PARD3B: variants seen among roughly 807,000 people sequenced by gnomAD.
PARD3B encodes the protein par-3 family cell polarity regulator beta, also known as partitioning defective 3 homolog B.
In PARD3B, 103 loss-of-function variants were observed where a neutral mutation model predicts 130.2. That is an observed-to-expected ratio of 0.79 (90% CI 0.67 to 0.93). The LOEUF is 0.93. PARD3B is among the 40% of genes least tolerant of loss of function. PARD3B has a pLI of 0.00. For synonymous variants in PARD3B, 583 were observed against 553.2 expected, an observed-to-expected ratio of 1.05 and a Z score of -0.76; for missense variants, 1,609 against 1,499.2, an observed-to-expected ratio of 1.07 and a Z score of -1.21.
chr2:204,672,755 A>G (rs1222679496), intron 1 of PARD3B, among the ~76,000 whole-genome samples: 2 of 152,038 alleles, frequency 1.3e-5, no homozygotes, highest in Non-Finnish European at 2.9e-5. Context: ...CTTCCTGCTG[A>G]TTTTATTCTT....
At chr2:204,861,561 G>A (rs1407342003) in intron 2 of PARD3B, among the ~76,000 whole-genome samples, 1 of 152,060 alleles carries the variant, frequency 6.6e-6, no homozygotes, top group Non-Finnish European at 1.5e-5. Context: ...GATCAAAAGG[G>A]ATAAGTAAGT....
intron 22 of PARD3B, among the ~76,000 whole-genome samples, chr2:205,595,926 CAAA>C (rs138712225): frequency 6.9e-6 from 1 of 145,430 alleles, no homozygotes; most frequent in Non-Finnish European, 1.5e-5. Flanking sequence ...ACATTTGAGA[CAAA>C]AAAAAAAGAA....
At chr2:205,394,497 T>G (rs1251259685) in intron 18 of PARD3B, among the ~76,000 whole-genome samples, 2 of 152,132 alleles carry the variant, frequency 1.3e-5, no homozygotes, top group Non-Finnish European at 2.9e-5. Flanking sequence ...AGACACTATC[T>G]CTATCCTCCT....
intron 18 of PARD3B, among the ~76,000 whole-genome samples, chr2:205,390,294 G>T (rs1303139064): frequency 6.8e-6 from 1 of 146,246 alleles, no homozygotes; most frequent in Non-Finnish European, 1.5e-5. Flanking sequence ...GAAAGAAGAA[G>T]AATATGAAAA....
intron 2 of PARD3B, among the ~76,000 whole-genome samples, chr2:204,839,911 T>A (rs2044199827): frequency 6.6e-6 from 1 of 152,160 alleles, no homozygotes; most frequent in African/African-American, 2.4e-5. Flanking sequence ...GTAAGAGACT[T>A]GTCCCATTTA....
At chr2:204,630,433 G>T (rs901388513) in intron 1 of PARD3B, among the ~76,000 whole-genome samples, 51 of 151,726 alleles carry the variant, frequency 3.4e-4, no homozygotes, top group African/African-American at 1.2e-3. Flanking sequence ...GTAAATATTT[G>T]TGGATATTTA....
At chr2:204,848,943 T>C (rs1457833163) in intron 2 of PARD3B, among the ~76,000 whole-genome samples, 1 of 152,146 alleles carries the variant, frequency 6.6e-6, no homozygotes, top group Non-Finnish European at 1.5e-5. Context: ...ATAACAATTT[T>C]AAAAATCAAT....
chr2:205,259,085 A>G (rs1240880737), intron 16 of PARD3B, among the ~76,000 whole-genome samples: 1 of 152,122 alleles, frequency 6.6e-6, no homozygotes, highest in Admixed American at 6.5e-5. Flanking sequence ...CAATTTTTAT[A>G]TGATTTCCAT....
chr2:204,842,996 A>T (rs796737749), intron 2 of PARD3B, among the ~76,000 whole-genome samples: 1 of 152,144 alleles, frequency 6.6e-6, no homozygotes, highest in Admixed American at 6.5e-5. Context: ...AGGGTTAATC[A>T]GAATCTCCTG....
chr2:204,990,019 T>G (rs1693513902), intron 3 of PARD3B, among the ~76,000 whole-genome samples: 1 of 152,144 alleles, frequency 6.6e-6, no homozygotes, highest in Non-Finnish European at 1.5e-5. Context: ...CCACAGTAAT[T>G]TTACTAATTC....
chr2:205,064,131 T>A (rs1700220472), intron 4 of PARD3B, among the ~76,000 whole-genome samples: 1 of 152,188 alleles, frequency 6.6e-6, no homozygotes, highest in African/African-American at 2.4e-5. Context: ...TAATAACAAT[T>A]TAAGAACTAA....
chr2:204,732,032 C>A (rs372998358), intron 2 of PARD3B, among the ~76,000 whole-genome samples: 2 of 150,860 alleles, frequency 1.3e-5, no homozygotes, highest in Admixed American at 6.6e-5. Flanking sequence ...TGTTTGTCTA[C>A]GAATTTAGCC....
intron 1 of PARD3B, among the ~76,000 whole-genome samples, chr2:204,596,706 A>G (rs1574519843): frequency 6.6e-6 from 1 of 152,164 alleles, no homozygotes; most frequent in Non-Finnish European, 1.5e-5. Context: ...AGGCAGGTGG[A>G]TCGCCTGAGG....
At chr2:205,073,761 C>A (rs1244457093) in intron 4 of PARD3B, among the ~76,000 whole-genome samples, 1 of 152,090 alleles carries the variant, frequency 6.6e-6, no homozygotes, top group African/African-American at 2.4e-5. Context: ...TTAAAAAGCC[C>A]TAGGCACATG....
At position 205,124,447 on chromosome 2, in the gene PARD3B, CA is replaced by C; in HGVS notation, c.1287del (p.Asp431ThrfsTer6). 1 of 1,596,840 alleles carries C rather than the reference CA, an allele frequency of 6.3e-7. No homozygotes were observed. Among genetic ancestry groups the C allele is most frequent in the Non-Finnish European group, 8.5e-7 (1 of 1,171,410 alleles). ...GCAATAAAAGATGGCCGCCTACAATCAGGGGACAGAATTTTGGAGGTAAGAA... is the reference window on the plus strand; with the variant it reads ...GCAATAAAAGATGGCCGCCTACAATCGGGGACAGAATTTTGGAGGTAAGAA... The part of the protein sequence containing the change: ...GAAIKDGRLQ[S>X]GDRILEVNGR... On this transcript the variant is annotated frameshift_variant, in exon 9 of 23. Coordinates refer to ENST00000406610, the MANE Select transcript of PARD3B (RefSeq NM_001302769.2). LOFTEE classifies it high-confidence loss of function.
chr2:205,067,317 T>C (rs1700456690), intron 4 of PARD3B, among the ~76,000 whole-genome samples: 1 of 151,764 alleles, frequency 6.6e-6, no homozygotes, highest in African/African-American at 2.4e-5. Flanking sequence ...CATGTCACCA[T>C]ACCTGGCTAA....
intron 2 of PARD3B, among the ~76,000 whole-genome samples, chr2:204,693,387 A>T (rs192398336): frequency 1.3e-5 from 2 of 152,062 alleles, no homozygotes; most frequent in Admixed American, 1.3e-4. Flanking sequence ...TGGATTCTGG[A>T]CAAAAAAGTC....
chr2:205,324,915 C>T (rs2042887297), intron 18 of PARD3B, among the ~76,000 whole-genome samples: 1 of 152,124 alleles, frequency 6.6e-6, no homozygotes. Context: ...CTTGTTTATC[C>T]TTACCAAGGC....
At chr2:205,115,157 T>C (rs1021230021) in intron 6 of PARD3B, among the ~76,000 whole-genome samples, 3 of 152,170 alleles carry the variant, frequency 2.0e-5, no homozygotes, top group South Asian at 4.1e-4. Context: ...AAGCTGATCC[T>C]ATAGATCAGA....
Sources: gnomAD v4.1 joint callset for allele counts (sites outside exome capture counted in the v4.1 genomes callset) on GRCh38, gnomAD v4.1.1 for gene constraint, MANE v1.5 for transcripts, NCBI Gene and HGNC (gene_info 2026-07-23, HGNC 2026-07-21) for gene names.